Variants in NIBAN3 observed in about 807,000 individuals in gnomAD.
The protein encoded by NIBAN3 is protein Niban 3.
A neutral mutation model predicts 76.4 loss-of-function variants in NIBAN3; 66 were observed. The observed-to-expected ratio is 0.86, with a 90% CI of 0.71 to 1.06. The LOEUF (loss-of-function observed/expected upper bound fraction) is 1.06, where lower values mean the gene tolerates loss of function less well. NIBAN3 is among the 50% of genes least tolerant of loss of function. The pLI is 0.00. For missense variants in NIBAN3, 808 were observed against 810.7 expected (o/e 1.00, Z 0.04); for synonymous variants, 360 against 355.2 (o/e 1.01, Z -0.15).
chr19:17,544,398 T>TATGACGGG (rs1445198440), intron 12 of NIBAN3, among the ~76,000 whole-genome samples: 2 of 152,204 alleles, frequency 1.3e-5, no homozygotes, highest in Non-Finnish European at 1.5e-5. Context: ...TTCATTACCC[T>TATGACGGG]GTGTCTGCCA....
chr19:17,527,202 A>G, upstream of NIBAN3: 1 of 1,521,362 alleles, frequency 6.6e-7, no homozygotes, highest in Non-Finnish European at 8.9e-7. Context: ...ACGCAGGTGC[A>G]GCGTGGGGTG....
At chr19:17,527,460 A>T (rs1452696943) in intron 1 of NIBAN3, 65 bp downstream of exon 1, 1 of 1,446,994 alleles carries the variant, frequency 6.9e-7, no homozygotes, top group East Asian at 2.5e-5. Context: ...CATTGGGTCC[A>T]CATGCTCCAT....
At chr19:17,524,159 G>A (rs1236682476), upstream of NIBAN3, among the ~76,000 whole-genome samples, 2 of 151,858 alleles carry the variant, frequency 1.3e-5, no homozygotes, top group Non-Finnish European at 2.9e-5. Context: ...CCAAAGTGCT[G>A]GGATTACAGG....
upstream of NIBAN3, among the ~76,000 whole-genome samples, chr19:17,525,630 G>A (rs985886442): frequency 3.3e-5 from 5 of 152,144 alleles, no homozygotes; most frequent in Admixed American, 1.3e-4. Context: ...ACAAGACCGC[G>A]GGGGTCAGAG....
chr19:17,539,709 G>T lies in NIBAN3; in HGVS notation c.923G>T (p.Arg308Leu). 2 of 1,549,290 alleles carry T rather than the reference G, an allele frequency of 1.3e-6. No homozygotes were observed. Among genetic ancestry groups the T allele is most frequent in the South Asian group, 2.4e-5 (2 of 84,324 alleles). The part of the protein sequence containing the change: ...ELLASLEKTI[R>L]PDVDQLLRQR... ...CTTGCGTCGCTGGAGAAGACGATCC[G>T]CCCGGACGTGGACCAGCTGCTGCGG... The change falls in exon 8 of 15, where the codon CGC (arginine) becomes CTC (leucine). Residue 308 changes from arginine to leucine, a missense_variant. By Grantham distance (102) the Arg-to-Leu change is moderately radical (BLOSUM62 -2). Transcript: ENST00000599164.
At chr19:17,547,350 C>CTT (rs1161818189) in intron 13 of NIBAN3, among the ~76,000 whole-genome samples, 657 of 62,686 alleles carry the variant, frequency 0.01, 108 homozygotes, top group East Asian at 0.025. Context: ...GAGACTATGT[C>CTT]TTTTTTTTTT....
At chr19:17,540,214 C>G (rs2075920344) in intron 8 of NIBAN3, 178 bp from the exon 9 acceptor site, 8 of 454,190 alleles carry the variant, frequency 1.8e-5, no homozygotes, top group Non-Finnish European at 2.7e-5. Context: ...CCTACAAAGA[C>G]CCAGGTGGGA....
At chr19:17,543,852 C>A (rs1382281415) in intron 12 of NIBAN3, 2 of 354,040 alleles carry the variant, frequency 5.6e-6, no homozygotes, top group South Asian at 7.6e-5. Context: ...ATTAGCCAGG[C>A]ATGGTGATGG....
upstream of NIBAN3, among the ~76,000 whole-genome samples, chr19:17,527,085 A>G (rs1260293923): frequency 6.6e-6 from 1 of 151,922 alleles, no homozygotes; most frequent in African/African-American, 2.4e-5. Flanking sequence ...AAGACGAGCT[A>G]TGATTTTCTT....
chr19:17,540,729 T>A (rs1418381458), intron 9 of NIBAN3, 147 bp downstream of exon 9: 2 of 559,804 alleles, frequency 3.6e-6, no homozygotes, highest in African/African-American at 2.0e-5. Flanking sequence ...TGGAGCACAG[T>A]TTTTGTTTGT....
At chr19:17,535,086 A>G (rs970379899) in intron 4 of NIBAN3, among the ~76,000 whole-genome samples, 7 of 152,218 alleles carry the variant, frequency 4.6e-5, no homozygotes, top group African/African-American at 1.7e-4. Flanking sequence ...AAACATCAGA[A>G]TCTGCCCAAA....
At chr19:17,532,210 A>T in intron 2 of NIBAN3, 53 bp from the exon 3 acceptor site, 1 of 1,564,922 alleles carries the variant, frequency 6.4e-7, no homozygotes, top group Non-Finnish European at 8.7e-7. Context: ...TGGTCGGGCC[A>T]CAGGGACATC....
intron 13 of NIBAN3, 149 bp from the exon 14 acceptor site, chr19:17,549,295 C>T: frequency 1.5e-6 from 1 of 648,726 alleles, no homozygotes. Context: ...GCAATGTCTG[C>T]CATGGGTGCG....
intron 13 of NIBAN3, among the ~76,000 whole-genome samples, chr19:17,547,331 C>T (rs1327426614): frequency 3.6e-5 from 5 of 137,372 alleles, no homozygotes; most frequent in East Asian, 2.3e-4. Context: ...TGCAGCCTGG[C>T]GACAGAACGA....
At chr19:17,546,577 C>G in intron 12 of NIBAN3, 109 bp from the exon 13 acceptor site, 1 of 1,300,722 alleles carries the variant, frequency 7.7e-7, no homozygotes, top group Non-Finnish European at 9.8e-7. Flanking sequence ...CAAGCCCCGC[C>G]CCCCAACCCC....
chr19:17,540,344 T>G, intron 8 of NIBAN3, 48 bp from the exon 9 acceptor site: 11 of 1,361,474 alleles, frequency 8.1e-6, no homozygotes, highest in Non-Finnish European at 1.1e-5. Flanking sequence ...TCCCCATCTG[T>G]GAGGCACCTT....
At chr19:17,544,582 G>C (rs1489880510) in intron 12 of NIBAN3, among the ~76,000 whole-genome samples, 1 of 152,248 alleles carries the variant, frequency 6.6e-6, no homozygotes, top group South Asian at 2.1e-4. Context: ...GGGCATTCCA[G>C]GCAGAGGGCA....
At chr19:17,546,622 T>A in intron 12 of NIBAN3, 64 bp from the exon 13 acceptor site, 2 of 1,406,642 alleles carry the variant, frequency 1.4e-6, no homozygotes, top group South Asian at 3.1e-5. Context: ...GGCAGAAGCC[T>A]GTGTTGTAGG....
chr19:17,532,996 G>A (rs1447721972), intron 3 of NIBAN3, among the ~76,000 whole-genome samples: 2 of 152,104 alleles, frequency 1.3e-5, no homozygotes, highest in East Asian at 3.9e-4. Flanking sequence ...GGGAGAGCCG[G>A]GCCTCGTGGC....
Sources: allele counts gnomAD v4.1 joint callset (sites outside exome capture counted in the v4.1 genomes callset), GRCh38; gene constraint gnomAD v4.1.1; transcripts MANE v1.5; gene names NCBI Gene and HGNC (gene_info 2026-07-23, HGNC 2026-07-21).